Variants in AFDN observed in about 807,000 individuals in gnomAD.
AFDN encodes afadin.
In AFDN, 68 loss-of-function variants were observed where a neutral mutation model predicts 216.6. The observed-to-expected ratio is 0.31, with a 90% CI of 0.26 to 0.38. The LOEUF is 0.38. Ranked by LOEUF, AFDN falls within the 10% of genes least tolerant of loss-of-function variation. The pLI, the probability that AFDN is intolerant of heterozygous loss-of-function variation, is 1.00. For missense variants in AFDN, 2,136 were observed against 2,342.0 expected (o/e 0.91, Z 1.82); for synonymous variants, 868 against 853.7 (o/e 1.02, Z -0.29).
chr6:167,967,263 C>T (rs1444940390), intron 32 of AFDN, among the ~76,000 whole-genome samples: 1 of 152,194 alleles, frequency 6.6e-6, no homozygotes, highest in Non-Finnish European at 1.5e-5. Flanking sequence ...CTCGACAATT[C>T]TGAAATTGTC....
chr6:167,942,066 T>TTTTGG (rs57273828), intron 23 of AFDN, among the ~76,000 whole-genome samples: 49 of 151,900 alleles, frequency 3.2e-4, no homozygotes, highest in South Asian at 4.2e-4. Context: ...AGGCGTTTTG[T>TTTTGG]TTTGGTTTGG....
chr6:167,828,046 G>C (rs920263625), intron 1 of AFDN: 1 of 152,226 alleles, frequency 6.6e-6, no homozygotes, highest in Non-Finnish European at 1.5e-5. Flanking sequence ...GGAGGGAGGT[G>C]AAGGGTCGGG....
In AFDN at chr6:167,902,485, G is replaced by A; in HGVS notation, c.1650+99G>A. On this transcript the variant is annotated intron_variant, in intron 12 of 33. Coordinates refer to ENST00000683244, the MANE Select transcript of AFDN (RefSeq NM_001386888.1). ...GGATGTGTTCCCCTTATTTGTGGGGGATGTGTTCCAAGACCACCAGTCAAT... is the reference window on the plus strand; with the variant it reads ...GGATGTGTTCCCCTTATTTGTGGGGAATGTGTTCCAAGACCACCAGTCAAT... 6 of 875,292 alleles carry A rather than the reference G, an allele frequency of 6.9e-6. No individual in the cohort carries two copies. The South Asian group carries it at 9.1e-5, about 13-fold the overall frequency. The allele number at this position is 875,292 out of a possible 1,614,324, so 54.2% of individuals were successfully genotyped here.
chr6:167,913,171 A>C (rs922441225), intron 15 of AFDN, among the ~76,000 whole-genome samples: 3 of 152,214 alleles, frequency 2.0e-5, no homozygotes, highest in Non-Finnish European at 4.4e-5. Context: ...CTAAAAATAC[A>C]GTTAGTTATT....
intron 30 of AFDN, among the ~76,000 whole-genome samples, chr6:167,953,977 A>G (rs1796260028): frequency 1.3e-5 from 2 of 152,260 alleles, no homozygotes; most frequent in Admixed American, 1.3e-4. Flanking sequence ...ACAATAATGA[A>G]AAATTAGCCT....
chr6:167,891,446 T>TGTGTGTGTGC (rs1787591562), intron 8 of AFDN, among the ~76,000 whole-genome samples: 3 of 150,666 alleles, frequency 2.0e-5, no homozygotes, highest in African/African-American at 4.9e-5. Context: ...TGTGTGTGTG[T>TGTGTGTGTGC]GTGTGGCTGT....
chr6:167,950,445 GACAC>G (rs751055767), intron 29 of AFDN, among the ~76,000 whole-genome samples: 3 of 150,152 alleles, frequency 2.0e-5, no homozygotes, highest in Non-Finnish European at 4.4e-5. Flanking sequence ...GTCTCTCACA[GACAC>G]ACACACACAT....
chr6:167,942,938 T>G (rs991210024), intron 23 of AFDN, among the ~76,000 whole-genome samples, 191 bp from the exon 24 acceptor site: 1 of 152,246 alleles, frequency 6.6e-6, no homozygotes, highest in African/African-American at 2.4e-5. Context: ...TCTATTTTAC[T>G]CTCATCATTA....
intron 9 of AFDN, among the ~76,000 whole-genome samples, chr6:167,895,999 T>C (rs1230592825): frequency 6.6e-6 from 1 of 152,190 alleles, no homozygotes; most frequent in Non-Finnish European, 1.5e-5. Context: ...CATTTTCTCA[T>C]ATGTCAACTC....
At position 167,883,242 on chromosome 6, in the gene AFDN, A is replaced by G. The variant is rs34635925; in HGVS notation, c.897+2725A>G. 4.2e-3 allele frequency among the ~76,000 whole-genome samples: 640 copies of G among 152,228 alleles called. 6 individuals are homozygous for G. Among genetic ancestry groups the G allele is most frequent in the African/African-American group, 0.015 (620 of 41,568 alleles). Reference sequence around the variant, plus strand: ...ACGGCACACACTTGAGATTGGAGATAATGTCCAAGACTGAAGGTAAATAGC... The same window carrying G: ...ACGGCACACACTTGAGATTGGAGATGATGTCCAAGACTGAAGGTAAATAGC... On this transcript the variant is annotated intron_variant, in intron 6 of 33. Coordinates refer to ENST00000683244, the MANE Select transcript of AFDN (RefSeq NM_001386888.1).
Position 167,827,092 on chromosome 6 carries a change from C to T in AFDN, c.-41C>T. ...GACCTGTCGTCCTCGGCCCGTCCTC[C>T]GGCCCCGGCCCCGCGCGGCTGAGGA... On this transcript the variant is annotated 5_prime_UTR_variant, in exon 1 of 34. Transcript: ENST00000683244. The T allele has an allele frequency of 4.5e-6, 5 of 1,115,462 alleles. No individual in the cohort carries two copies. The highest frequency in any genetic ancestry group is 3.4e-5 in the Admixed American group (1 of 29,220). The allele number at this position is 1,115,462 out of a possible 1,614,324, so 69.1% of individuals were successfully genotyped here.
chr6:167,865,302 A>G (rs1247774675), intron 2 of AFDN, among the ~76,000 whole-genome samples: 1 of 152,190 alleles, frequency 6.6e-6, no homozygotes, highest in African/African-American at 2.4e-5. Context: ...TTATATAGCA[A>G]TATCAAATGA....
At chr6:167,867,872 G>A (rs926556362) in intron 2 of AFDN, among the ~76,000 whole-genome samples, 1 of 152,126 alleles carries the variant, frequency 6.6e-6, no homozygotes, top group African/African-American at 2.4e-5. Context: ...CATCATTATG[G>A]TGTCATTTTT....
intron 1 of AFDN, among the ~76,000 whole-genome samples, chr6:167,831,708 T>A (rs981248843): frequency 6.6e-6 from 1 of 152,192 alleles, no homozygotes; most frequent in South Asian, 2.1e-4. Context: ...AAAACAGGGA[T>A]CATAAATGAT....
chr6:167,870,437 A>G lies in AFDN; in HGVS notation c.353A>G (p.Asn118Ser), dbSNP rs1284747548. 2 of 1,612,798 alleles carry G rather than the reference A, an allele frequency of 1.2e-6. No homozygotes were observed. The highest frequency in any genetic ancestry group is 2.2e-5 in the East Asian group (1 of 44,816). ...CCTCTAGTTGTACAACTGAATTGGAACAAAGATGATCGGGAAGGCAGATTT... is the reference window on the plus strand; with the variant it reads ...CCTCTAGTTGTACAACTGAATTGGAGCAAAGATGATCGGGAAGGCAGATTT... ...EKPLVVQLNW[N>S]KDDREGRFVL... The change falls in exon 3 of 34, where the codon AAC becomes AGC. Residue 118 changes from asparagine to serine, a missense_variant. Asn to Ser is a conservative substitution (Grantham distance 46). Coordinates refer to ENST00000683244, the MANE Select transcript of AFDN (RefSeq NM_001386888.1).
chr6:167,870,861 CT>C (rs1784710261), intron 3 of AFDN, among the ~76,000 whole-genome samples: 2 of 151,790 alleles, frequency 1.3e-5, no homozygotes, highest in South Asian at 4.2e-4. Context: ...TATTTGTGAA[CT>C]TTTAGATGCA....
At chr6:167,890,503 G>A (rs1787426897) in intron 7 of AFDN, among the ~76,000 whole-genome samples, 1 of 151,828 alleles carries the variant, frequency 6.6e-6, no homozygotes, top group South Asian at 2.1e-4. Flanking sequence ...GTGTATTTGT[G>A]TGTGAATGTG....
intron 2 of AFDN, among the ~76,000 whole-genome samples, chr6:167,869,664 C>T (rs1784581555): frequency 6.6e-6 from 1 of 152,182 alleles, no homozygotes; most frequent in Non-Finnish European, 1.5e-5. Flanking sequence ...TTTTCCACAG[C>T]TTCCAGCGAC....
rs767339411 is a variant in AFDN at position 167,948,447 on chromosome 6, C to A, written c.3800C>A (p.Thr1267Lys). The part of the protein sequence containing the change: ...PNYEEKPHMH[T>K]DSNHSSIAIQ... ...TATGAGGAAAAGCCACATATGCACA[C>A]AGATAGTAATCATTCCAGTATTGCA... The change falls in exon 29 of 34, where the codon ACA (threonine) becomes AAA (lysine). Residue 1267 changes from threonine (T) to lysine (K), a missense_variant. Physicochemically the swap from Thr to Lys is moderately conservative, Grantham distance 78 (BLOSUM62 -1). Transcript: ENST00000683244. 6.2e-7 allele frequency: 1 copy of A among 1,614,058 alleles called. No homozygotes were observed. The highest frequency in any genetic ancestry group is 8.5e-7 in the Non-Finnish European group (1 of 1,180,048).
Sources: gnomAD v4.1 joint callset for allele counts (sites outside exome capture counted in the v4.1 genomes callset) on GRCh38, gnomAD v4.1.1 for gene constraint, MANE v1.5 for transcripts, NCBI Gene and HGNC (gene_info 2026-07-23, HGNC 2026-07-21) for gene names.